HPS3: variants seen among roughly 807,000 people sequenced by gnomAD.
The protein encoded by HPS3 is HPS3 biogenesis of lysosomal organelles complex 2 subunit 1, also known as BLOC-2 complex member HPS3.
Under a neutral mutation model 110.9 loss-of-function variants are expected in HPS3, and 79 were observed. The observed-to-expected ratio is 0.71, with a 90% CI of 0.59 to 0.86. The LOEUF is 0.86. Among genes scored for constraint, HPS3 ranks in the 40% least tolerant of loss-of-function variants. HPS3 has a pLI of 0.00. For missense variants in HPS3, 1,197 were observed against 1,206.2 expected (o/e 0.99, Z 0.11); for synonymous variants, 428 against 451.0 (o/e 0.95, Z 0.65).
chr3:149,146,043 G>A (rs191248004), intron 5 of HPS3, among the ~76,000 whole-genome samples: 1 of 152,340 alleles, frequency 6.6e-6, no homozygotes, highest in Non-Finnish European at 1.5e-5. Flanking sequence ...AAAGTCATGT[G>A]CTAATTGGTG....
intron 11 of HPS3, among the ~76,000 whole-genome samples, chr3:149,161,266 G>A (rs781442083): frequency 6.6e-6 from 1 of 152,134 alleles, no homozygotes; most frequent in Non-Finnish European, 1.5e-5. Context: ...ATTTATGGGA[G>A]ATTGGTTTCA....
intron 5 of HPS3, among the ~76,000 whole-genome samples, chr3:149,147,004 A>G (rs1013768590): frequency 6.6e-5 from 10 of 152,320 alleles, no homozygotes; most frequent in Admixed American, 6.5e-4. Flanking sequence ...TAGTTCAGGC[A>G]AGGATATTAA....
At chr3:149,136,229 C>A (rs1344156047) in intron 1 of HPS3, among the ~76,000 whole-genome samples, 2 of 150,820 alleles carry the variant, frequency 1.3e-5, no homozygotes, top group African/African-American at 4.9e-5. Flanking sequence ...CACACACACA[C>A]AAATTAGCCA....
intron 1 of HPS3, among the ~76,000 whole-genome samples, chr3:149,134,229 T>C (rs1576659054): frequency 6.6e-6 from 1 of 152,222 alleles, no homozygotes; most frequent in East Asian, 1.9e-4. Flanking sequence ...ATTTTGGTAT[T>C]ATAAAATCTG....
rs906148336 is a variant in HPS3 at position 149,172,324 on chromosome 3, A to G, written c.*102A>G. The G allele has an allele frequency of 3.1e-6, 2 of 643,304 alleles. No individual in the cohort carries two copies. The highest frequency in any genetic ancestry group is 3.0e-5 in the East Asian group (1 of 33,616). The allele number at this position is 643,304 out of a possible 1,614,324, so 39.8% of individuals were successfully genotyped here. A position where few individuals can be genotyped will look rare whatever the true frequency, so the allele number is the denominator to read the frequency against. On this transcript the variant is annotated 3_prime_UTR_variant, in exon 17 of 17. Coordinates refer to ENST00000296051, the MANE Select transcript of HPS3 (RefSeq NM_032383.5). ...GAGTTTTTTATTTTATATATCACAC[A>G]CACACACACACACACACACACACAC...
chr3:149,166,759 A>G (rs13066364), intron 14 of HPS3, among the ~76,000 whole-genome samples: 3,654 of 152,296 alleles, frequency 0.024, 61 homozygotes, highest in South Asian at 0.046. Flanking sequence ...AAGAATGCCC[A>G]TTGGTTTTAA....
In HPS3 at chr3:149,167,563, T is replaced by A. The variant is rs908681779; in HGVS notation, c.2796+323T>A. Among the ~76,000 whole-genome samples, 5 of 152,196 alleles carry A rather than the reference T, an allele frequency of 3.3e-5. No homozygotes were observed. In the South Asian group the frequency reaches 1.0e-3, roughly 32 times the overall value. ...GTTTTTAGTTTAGAAATTAGAAGAA[T>A]TTTGGACCTTAGTTCTTTTTTTTCT... On this transcript the variant is annotated intron_variant, in intron 15 of 16. Transcript: ENST00000296051.
intron 5 of HPS3, among the ~76,000 whole-genome samples, chr3:149,147,033 G>C (rs1255984076): frequency 6.6e-6 from 1 of 152,150 alleles, no homozygotes; most frequent in Admixed American, 6.5e-5. Context: ...ATTCAGGCAT[G>C]GTAGTGTTAA....
chr3:149,157,102 TA>T (rs1290470643), intron 8 of HPS3, among the ~76,000 whole-genome samples: 4 of 152,224 alleles, frequency 2.6e-5, no homozygotes, highest in Non-Finnish European at 5.9e-5. Flanking sequence ...TGGACCTCTG[TA>T]ATGATTAGAG....
chr3:149,156,438 T>A (rs529272260), intron 8 of HPS3, among the ~76,000 whole-genome samples: 29 of 152,246 alleles, frequency 1.9e-4, no homozygotes, highest in Non-Finnish European at 3.2e-4. Context: ...TGTGTTTAAC[T>A]ATGATGTCTC....
In HPS3 at chr3:149,158,724, A is replaced by G. The variant is rs574234110; in HGVS notation, c.1750A>G (p.Met584Val). The G allele has an allele frequency of 1.2e-4, 194 of 1,613,744 alleles. No individual in the cohort carries two copies. The South Asian group carries it at 1.9e-3, about 16-fold the overall frequency. Reference protein sequence around the residue: ...LPYYKMSGLSMAEVLARTDWT... With the variant: ...LPYYKMSGLSVAEVLARTDWT... ...ATACTATAAGATGTCTGGTTTGTCT[A>G]TGGCTGAAGTTCTGGCCCGCACGGA... Residue 584 changes from methionine (M) to valine (V), a missense_variant, in exon 10 of 17, where the codon ATG (methionine) becomes GTG (valine). Coordinates refer to ENST00000296051, the MANE Select transcript of HPS3 (RefSeq NM_032383.5).
chr3:149,170,655 G>A (rs907038122), intron 16 of HPS3: 2 of 152,140 alleles, frequency 1.3e-5, no homozygotes, highest in African/African-American at 4.8e-5. Flanking sequence ...AACCATTGCT[G>A]CTTTATTCAT....
In HPS3 at chr3:149,155,042, C is replaced by T; in HGVS notation, c.1401-65C>T. ...ATAGTTATTTTATATCCAATATTTACCATTTACAACTACCATTTATTAATA... is the reference window on the plus strand; with the variant it reads ...ATAGTTATTTTATATCCAATATTTATCATTTACAACTACCATTTATTAATA... On this transcript the variant is annotated intron_variant, in intron 7 of 16. Coordinates refer to ENST00000296051, the MANE Select transcript of HPS3 (RefSeq NM_032383.5). The T allele has an allele frequency of 2.4e-6, 2 of 841,566 alleles. 1 individual carries two copies. Among genetic ancestry groups the T allele is most frequent in the Non-Finnish European group, 4.2e-6 (2 of 477,238 alleles). 52.1% of individuals were successfully genotyped at this position (841,566 alleles called of 1,614,324 possible). A position where few individuals can be genotyped will look rare whatever the true frequency, so the allele number is the denominator to read the frequency against.
chr3:149,155,128 T>TA lies in HPS3; in HGVS notation c.1426dup (p.Ile476AsnfsTer8), dbSNP rs1723365687. 7 of 1,605,660 alleles carry TA rather than the reference T, an allele frequency of 4.4e-6. No homozygotes were observed. In the East Asian group the frequency reaches 1.6e-4, roughly 36 times the overall value. ...TTAGTTCGAGAAAAGATACCAGTGT[T>TA]AAAATCAAAATACCTCCTGTAGCTG... is the stretch of plus-strand genomic sequence containing the variant. On this transcript the variant is annotated frameshift_variant, in exon 8 of 17. Coordinates refer to ENST00000296051, the MANE Select transcript of HPS3 (RefSeq NM_032383.5). LOFTEE classifies it high-confidence loss of function.
intron 8 of HPS3, among the ~76,000 whole-genome samples, chr3:149,155,490 A>G (rs1279072704): frequency 2.6e-5 from 4 of 152,168 alleles, no homozygotes; most frequent in Admixed American, 2.6e-4. Context: ...ATAGTCTTTG[A>G]CCTTAATTTG....
rs575365904 is a variant in HPS3 at position 149,134,745 on chromosome 3, G to A, written c.217+4805G>A. Among the ~76,000 whole-genome samples the A allele has an allele frequency of 6.6e-5, 10 of 152,292 alleles. 1 individual carries two copies. Among genetic ancestry groups the A allele is most frequent in the African/African-American group, 2.4e-4 (10 of 41,554 alleles). ...ATTGTAACCTCATTAACGAGGCCTT[G>A]AACAATAAAGATGTTTTTATAATCC... is the stretch of plus-strand genomic sequence containing the variant. On this transcript the variant is annotated intron_variant, in intron 1 of 16. Transcript: ENST00000296051.
chr3:149,164,145 T>C (rs1724175919), intron 14 of HPS3, among the ~76,000 whole-genome samples, 196 bp downstream of exon 14: 1 of 152,190 alleles, frequency 6.6e-6, no homozygotes, highest in African/African-American at 2.4e-5. Context: ...GGAACACCTG[T>C]GCTGAGCGGC....
rs995345573 is a variant in HPS3, at chr3:149,140,356, G to A, written c.570G>A (p.Glu190=). 4 of 1,610,124 alleles carry A rather than the reference G, an allele frequency of 2.5e-6. No individual in the cohort carries two copies. Among genetic ancestry groups the A allele is most frequent in the South Asian group, 1.1e-5 (1 of 90,460 alleles). The change falls in exon 2 of 17, where the codon GAG becomes GAA. Residue 190 remains glutamate, a synonymous_variant. Coordinates refer to ENST00000296051, the MANE Select transcript of HPS3 (RefSeq NM_032383.5). ...ACATAGATAATATCACTCCTGTTGA[G>A]GTTTCTTTTTGTGTTGGATATGTTG... ...IIHIDNITPV[E]VSFCVGYVAV...
intron 4 of HPS3, among the ~76,000 whole-genome samples, chr3:149,141,676 G>GGAAT (rs1436842359): frequency 1.3e-5 from 2 of 151,276 alleles, no homozygotes; most frequent in African/African-American, 2.4e-5. Context: ...TGGGACTACA[G>GGAAT]GCGCCCGCCA....
Sources: allele counts gnomAD v4.1 joint callset (sites outside exome capture counted in the v4.1 genomes callset), GRCh38; gene constraint gnomAD v4.1.1; transcripts MANE v1.5; gene names NCBI Gene and HGNC (gene_info 2026-07-23, HGNC 2026-07-21).